NXPE2: variants seen among roughly 807,000 people sequenced by gnomAD.
The protein encoded by NXPE2 is neurexophilin and PC-esterase domain family member 2, also known as NXPE family member 2.
Under a neutral mutation model 34.4 loss-of-function variants are expected in NXPE2, and 34 were observed. The ratio of observed to expected loss-of-function variants is 0.99; its 90% CI spans 0.75 to 1.31. NXPE2 has a LOEUF of 1.31. Among genes scored for constraint, NXPE2 ranks in the 40% most tolerant of loss-of-function variants. The probability of loss-of-function intolerance (pLI) is 0.00; values close to 1 mark genes in which losing one functional copy is unlikely to be tolerated. For missense variants in NXPE2, 649 were observed against 672.5 expected (o/e 0.97, Z 0.39); for synonymous variants, 235 against 231.3 (o/e 1.02, Z -0.15).
intron 2 of NXPE2, among the ~76,000 whole-genome samples, chr11:114,684,983 G>A (rs1156303816): frequency 2.6e-5 from 4 of 152,094 alleles, no homozygotes; most frequent in Non-Finnish European, 5.9e-5. Flanking sequence ...TTAAGACTAG[G>A]AGCCAAGTTC....
chr11:114,629,370 A>G, the NXPE2 span, among the ~76,000 whole-genome samples: 60 of 152,064 alleles, frequency 3.9e-4, no homozygotes, highest in Middle Eastern at 3.4e-3. Flanking sequence ...TTCAATATAC[A>G]CAAATCAATA....
chr11:114,526,431 T>G, the NXPE2 span: 2 of 93,412 alleles, frequency 2.1e-5, no homozygotes, highest in Middle Eastern at 4.7e-3. Context: ...TATTCCTTAG[T>G]GACATTTTAA....
At chr11:114,802,278 C>A in the NXPE2 span, among the ~76,000 whole-genome samples, 1 of 152,174 alleles carries the variant, frequency 6.6e-6, no homozygotes, top group African/African-American at 2.4e-5. Context: ...CACTGTCTCT[C>A]CCCGTCAATC....
At chr11:114,537,644 A>C in the NXPE2 span, among the ~76,000 whole-genome samples, 10 of 152,188 alleles carry the variant, frequency 6.6e-5, no homozygotes, top group Admixed American at 3.9e-4. Context: ...GTAACAGACA[A>C]ACAGAGAGCC....
At chr11:114,626,872 G>T in the NXPE2 span, among the ~76,000 whole-genome samples, 9 of 152,260 alleles carry the variant, frequency 5.9e-5, no homozygotes, top group Non-Finnish European at 1.3e-4. Flanking sequence ...CGTGAAGAAT[G>T]CAGAAGCCTC....
chr11:114,524,909 T>C, the NXPE2 span, among the ~76,000 whole-genome samples: 7 of 152,166 alleles, frequency 4.6e-5, no homozygotes, highest in African/African-American at 1.7e-4. Flanking sequence ...CAAAAGCAAC[T>C]CCATTTTAGA....
the NXPE2 span, among the ~76,000 whole-genome samples, chr11:114,795,075 A>G: frequency 6.6e-6 from 1 of 152,206 alleles, no homozygotes; most frequent in Admixed American, 6.5e-5. Context: ...TGAAGCTTTA[A>G]TTGGGTAGGT....
chr11:114,720,518 G>A, the NXPE2 span, among the ~76,000 whole-genome samples: 21 of 152,334 alleles, frequency 1.4e-4, no homozygotes, highest in African/African-American at 5.1e-4. Context: ...AAAAGCTGCA[G>A]TGTCCAATTC....
chr11:114,508,260 G>A, the NXPE2 span, among the ~76,000 whole-genome samples: 1 of 151,998 alleles, frequency 6.6e-6, no homozygotes, highest in African/African-American at 2.4e-5. Context: ...CAAACAAATG[G>A]GAAAACATTT....
rs149918157 is a variant in NXPE2 at position 114,705,961 on chromosome 11, A to G, written c.1109A>G (p.His370Arg). The G allele has an allele frequency of 1.7e-3, 2,537 of 1,497,310 alleles. 26 individuals are homozygous for G. The highest frequency in any genetic ancestry group is 0.01 in the East Asian group (386 of 37,744). The allele number at this position is 1,497,310 out of a possible 1,614,324, so 92.8% of individuals were successfully genotyped here. A position where few individuals can be genotyped will look rare whatever the true frequency, so the allele number is the denominator to read the frequency against. ...TATCTCATGGGAGATTCAACACTGCATCAGTGGATTTACTACTTACAAAAA... is the reference window on the plus strand; with the variant it reads ...TATCTCATGGGAGATTCAACACTGCGTCAGTGGATTTACTACTTACAAAAA... ...LIYLMGDSTL[H>R]QWIYYLQKAV... The change falls in exon 5 of 6, where the codon CAT (histidine) becomes CGT (arginine). Residue 370 changes from histidine to arginine, a missense_variant. Physicochemically the swap from His to Arg is conservative, Grantham distance 29. Transcript: ENST00000389586.
chr11:114,582,299 G>T, the NXPE2 span: 11 of 1,573,192 alleles, frequency 7.0e-6, no homozygotes, highest in Admixed American at 1.9e-5. Flanking sequence ...TTTCAAAGAG[G>T]CTCTTTTCTT....
the NXPE2 span, among the ~76,000 whole-genome samples, chr11:114,728,101 G>A: frequency 8.5e-5 from 13 of 152,098 alleles, no homozygotes; most frequent in Admixed American, 3.9e-4. Context: ...GCAATGTAAC[G>A]TCCTCAAATC....
chr11:114,760,641 C>G, the NXPE2 span, among the ~76,000 whole-genome samples: 2,973 of 152,250 alleles, frequency 0.02, 94 homozygotes, highest in African/African-American at 0.069. Context: ...GCAAGGTGTT[C>G]AGTTCCAACA....
the NXPE2 span, among the ~76,000 whole-genome samples, chr11:114,600,054 G>A: frequency 6.6e-6 from 1 of 152,134 alleles, no homozygotes; most frequent in African/African-American, 2.4e-5. Flanking sequence ...AATACAAAGT[G>A]AGCATTAGAA....
chr11:114,582,575 G>A, the NXPE2 span: 11 of 1,614,078 alleles, frequency 6.8e-6, no homozygotes, highest in East Asian at 2.0e-4. Flanking sequence ...TGGGGTGGAT[G>A]AGCAGCAGAG....
At chr11:114,770,503 C>T in the NXPE2 span, among the ~76,000 whole-genome samples, 5 of 152,326 alleles carry the variant, frequency 3.3e-5, no homozygotes, top group East Asian at 1.9e-4. Context: ...ACTGCTGAAG[C>T]GCATTTAGCA....
chr11:114,608,699 T>C, the NXPE2 span, among the ~76,000 whole-genome samples: 1 of 151,834 alleles, frequency 6.6e-6, no homozygotes, highest in African/African-American at 2.4e-5. Context: ...GTAACCACTG[T>C]AACCAGGTGG....
chr11:114,553,888 A>G, the NXPE2 span: 11 of 977,026 alleles, frequency 1.1e-5, no homozygotes, highest in Non-Finnish European at 8.5e-6. Context: ...GTACATTTAG[A>G]TCGTGGAAGT....
At chr11:114,650,805 G>A in the NXPE2 span, among the ~76,000 whole-genome samples, 3 of 151,926 alleles carry the variant, frequency 2.0e-5, no homozygotes, top group Non-Finnish European at 4.4e-5. Context: ...CTAAGTTCCA[G>A]GTACTTGCCA....
Sources: allele counts gnomAD v4.1 joint callset (sites outside exome capture counted in the v4.1 genomes callset), GRCh38; gene constraint gnomAD v4.1.1; transcripts MANE v1.5; gene names NCBI Gene and HGNC (gene_info 2026-07-23, HGNC 2026-07-21).